Variants in MINDY4 observed in about 807,000 individuals in gnomAD.
MINDY4 encodes MINDY lysine 48 deubiquitinase 4.
In MINDY4, 68 loss-of-function variants were observed where a neutral mutation model predicts 87.0. That is an observed-to-expected ratio of 0.78 (90% CI 0.64 to 0.96). The LOEUF is 0.96. MINDY4 is among the 40% of genes least tolerant of loss of function. The pLI is 0.00. For missense variants in MINDY4, 919 were observed against 928.2 expected, an observed-to-expected ratio of 0.99 and a Z score of 0.13; for synonymous variants, 379 against 363.2, an observed-to-expected ratio of 1.04 and a Z score of -0.50.
At chr7:30,878,628 C>A (rs903329585) in intron 15 of MINDY4, among the ~76,000 whole-genome samples, 2 of 152,312 alleles carry the variant, frequency 1.3e-5, no homozygotes, top group Non-Finnish European at 1.5e-5. Context: ...TGATGGGGGA[C>A]TGACAGTCCA....
intron 5 of MINDY4, among the ~76,000 whole-genome samples, chr7:30,805,307 G>C (rs73089509): frequency 0.092 from 14,068 of 152,188 alleles, 951 homozygotes; most frequent in South Asian, 0.18. Flanking sequence ...CAGGAGTAGG[G>C]GCACCTGAAG....
At chr7:30,815,305 C>G (rs1337140662) in intron 5 of MINDY4, among the ~76,000 whole-genome samples, 2 of 152,226 alleles carry the variant, frequency 1.3e-5, no homozygotes, top group African/African-American at 2.4e-5. Flanking sequence ...ATCCTGGGCT[C>G]TTACACCATC....
chr7:30,850,982 C>T (rs1789397711), intron 10 of MINDY4, among the ~76,000 whole-genome samples: 1 of 152,214 alleles, frequency 6.6e-6, no homozygotes, highest in South Asian at 2.1e-4. Flanking sequence ...CTGCCATTTG[C>T]TCTGTCACTT....
intron 1 of MINDY4, 125 bp downstream of exon 1, chr7:30,771,681 G>C: frequency 1.1e-6 from 1 of 900,538 alleles, no homozygotes; most frequent in Non-Finnish European, 1.7e-6. Flanking sequence ...CTGCTCCAGA[G>C]ATGCCCCAGA....
chr7:30,810,197 A>G (rs1280033896), intron 5 of MINDY4, among the ~76,000 whole-genome samples: 12 of 150,490 alleles, frequency 8.0e-5, no homozygotes, highest in Non-Finnish European at 1.8e-4. Context: ...AAAAAAAAAA[A>G]GAAATGTTTA....
chr7:30,833,734 T>A (rs10250957), intron 6 of MINDY4, among the ~76,000 whole-genome samples: 32 of 152,164 alleles, frequency 2.1e-4, no homozygotes, highest in Middle Eastern at 6.3e-3. Context: ...AGCAAGTTAG[T>A]TACTTCCTAG....
intron 6 of MINDY4, among the ~76,000 whole-genome samples, chr7:30,836,369 C>A (rs533075280): frequency 6.6e-6 from 1 of 152,170 alleles, no homozygotes; most frequent in South Asian, 2.1e-4. Flanking sequence ...TATGTCCATG[C>A]GTGGAACTTT....
intron 15 of MINDY4, 87 bp from the exon 16 acceptor site, chr7:30,882,094 G>C (rs1562565875): frequency 1.5e-6 from 2 of 1,311,186 alleles, no homozygotes; most frequent in Non-Finnish European, 2.1e-6. Flanking sequence ...CCTCTCTGAG[G>C]TCAGCCCTGC....
At chr7:30,803,710 A>G (rs1787727273) in intron 5 of MINDY4, among the ~76,000 whole-genome samples, 1 of 152,074 alleles carries the variant, frequency 6.6e-6, no homozygotes, top group African/African-American at 2.4e-5. Flanking sequence ...TAGGGGGGAA[A>G]GTTTGCTGGT....
Position 30,773,609 on chromosome 7 carries a change from C to A in MINDY4, c.63+2053C>A, listed in dbSNP as rs114548263. On this transcript the variant is annotated intron_variant, in intron 1 of 17. Coordinates refer to ENST00000265299, the MANE Select transcript of MINDY4 (RefSeq NM_032222.3). ...GATGGCAGGGTCTGCTGAGGTGACT[C>A]TTCTGCTGCCCCAGCTTCTTGAGTC... 3.5e-3 allele frequency among the ~76,000 whole-genome samples: 540 copies of A among 152,260 alleles called. 1 individual carries two copies. The highest frequency in any genetic ancestry group is 0.012 in the African/African-American group (518 of 41,564).
At chr7:30,856,315 T>C (rs1789568003) in intron 12 of MINDY4, among the ~76,000 whole-genome samples, 1 of 151,956 alleles carries the variant, frequency 6.6e-6, no homozygotes. Context: ...GATGAGATAA[T>C]TGTAATAAAA....
At chr7:30,877,685 T>TCTTC (rs947288622) in intron 15 of MINDY4, among the ~76,000 whole-genome samples, 50 of 142,278 alleles carry the variant, frequency 3.5e-4, no homozygotes, top group Middle Eastern at 3.7e-3. Context: ...TTCTTCTTCT[T>TCTTC]TTTTTTTTTT....
At chr7:30,882,455 C>T in intron 16 of MINDY4, 94 bp downstream of exon 16, 1 of 1,126,360 alleles carries the variant, frequency 8.9e-7, no homozygotes, top group Non-Finnish European at 1.2e-6. Context: ...CCACCAACCC[C>T]CATGACAGAG....
chr7:30,861,223 CT>C (rs1306034380), intron 13 of MINDY4, among the ~76,000 whole-genome samples: 23 of 152,354 alleles, frequency 1.5e-4, no homozygotes, highest in African/African-American at 4.3e-4. Flanking sequence ...TGGGCTTTGT[CT>C]TACACTGTGG....
At chr7:30,848,123 T>C (rs1216485180) in intron 9 of MINDY4, among the ~76,000 whole-genome samples, 1 of 152,206 alleles carries the variant, frequency 6.6e-6, no homozygotes, top group African/African-American at 2.4e-5. Flanking sequence ...TAGAAGTGTT[T>C]GACAGGGGGT....
At chr7:30,810,220 A>AAGTTGAGG (rs1456068016) in intron 5 of MINDY4, among the ~76,000 whole-genome samples, 2 of 151,170 alleles carry the variant, frequency 1.3e-5, no homozygotes, top group Non-Finnish European at 2.9e-5. Flanking sequence ...ATAAGTCAGA[A>AAGTTGAGG]AGTTGAGGCA....
intron 15 of MINDY4, among the ~76,000 whole-genome samples, chr7:30,880,331 C>A (rs1413470598): frequency 2.3e-5 from 3 of 130,016 alleles, no homozygotes; most frequent in Admixed American, 8.5e-5. Flanking sequence ...TGCGGCCTTG[C>A]CCCAAGCCTT....
intron 9 of MINDY4, among the ~76,000 whole-genome samples, chr7:30,843,075 C>T (rs1405045014): frequency 1.3e-5 from 2 of 152,214 alleles, no homozygotes; most frequent in Non-Finnish European, 2.9e-5. Flanking sequence ...GAACACAAGC[C>T]CCGTGAGAAC....
intron 9 of MINDY4, among the ~76,000 whole-genome samples, chr7:30,842,422 T>C (rs904304279): frequency 1.3e-5 from 2 of 152,212 alleles, no homozygotes; most frequent in African/African-American, 4.8e-5. Context: ...GGAATGCTCC[T>C]GACTGGGTGG....
Sources: allele counts gnomAD v4.1 joint callset (sites outside exome capture counted in the v4.1 genomes callset), GRCh38; gene constraint gnomAD v4.1.1; transcripts MANE v1.5; gene names NCBI Gene and HGNC (gene_info 2026-07-23, HGNC 2026-07-21).